GSG1L: variants seen among roughly 807,000 people sequenced by gnomAD.
GSG1L encodes the protein germ cell-specific gene 1-like protein.
GSG1L carries 24 observed loss-of-function variants against 42.1 expected under a neutral mutation model. That is an observed-to-expected ratio of 0.57 (90% CI 0.41 to 0.80). GSG1L has a LOEUF of 0.80. GSG1L is among the 30% of genes least tolerant of loss of function. The pLI is 0.00. For missense variants in GSG1L, 445 were observed against 472.2 expected, an observed-to-expected ratio of 0.94 and a Z score of 0.53; for synonymous variants, 215 against 203.5, an observed-to-expected ratio of 1.06 and a Z score of -0.48.
chr16:27,923,634 TG>T, intron 2 of GSG1L, among the ~76,000 whole-genome samples: 1 of 150,618 alleles, frequency 6.6e-6, no homozygotes, highest in South Asian at 2.1e-4. Context: ...CCCAGCTACT[TG>T]GGAGGCTGAG....
Position 27,791,187 on chromosome 16 carries a change from G to T in GSG1L, c.*183C>A. 1 of 407,518 alleles carries T rather than the reference G, an allele frequency of 2.5e-6. No homozygotes were observed. The highest frequency in any genetic ancestry group is 4.3e-6 in the Non-Finnish European group (1 of 231,250). The allele number at this position is 407,518 out of a possible 1,614,324, so 25.2% of individuals were successfully genotyped here. On this transcript the variant is annotated 3_prime_UTR_variant, in exon 7 of 7. Transcript: ENST00000447459. The stretch of plus-strand genomic sequence containing the variant: ...TGTGCATTCCCTTGGGCCTGCCCTG[G>T]CCCCATTTCCAAGGCCATGGGACCC...
chr16:27,968,087 C>T (rs2085154816), intron 1 of GSG1L, among the ~76,000 whole-genome samples: 1 of 151,862 alleles, frequency 6.6e-6, no homozygotes, highest in African/African-American at 2.4e-5. Context: ...CACATTTTTG[C>T]CTATTAGGGG....
intron 1 of GSG1L, among the ~76,000 whole-genome samples, chr16:28,024,376 G>A (rs145493245): frequency 2.6e-5 from 4 of 152,332 alleles, no homozygotes; most frequent in East Asian, 3.9e-4. Context: ...AGATAAACTT[G>A]CATCTGACAT....
chr16:27,881,918 A>G (rs1204017477), intron 3 of GSG1L, among the ~76,000 whole-genome samples: 2 of 152,096 alleles, frequency 1.3e-5, no homozygotes, highest in Non-Finnish European at 2.9e-5. Flanking sequence ...CTTTGCATCA[A>G]TATGACTCCT....
intron 3 of GSG1L, among the ~76,000 whole-genome samples, chr16:27,880,202 A>G (rs2083936266): frequency 6.6e-6 from 1 of 152,144 alleles, no homozygotes; most frequent in East Asian, 1.9e-4. Flanking sequence ...GGCTCCCTAA[A>G]GACCAGCCTC....
At chr16:27,997,500 T>C (rs973195087) in intron 1 of GSG1L, among the ~76,000 whole-genome samples, 2 of 151,618 alleles carry the variant, frequency 1.3e-5, no homozygotes, top group East Asian at 2.0e-4. Flanking sequence ...TAAGGACTCA[T>C]GGAATGAGGT....
At chr16:27,930,704 G>A (rs1270712323) in intron 2 of GSG1L, among the ~76,000 whole-genome samples, 2 of 152,146 alleles carry the variant, frequency 1.3e-5, no homozygotes, top group Admixed American at 1.3e-4. Flanking sequence ...GTCCTTAAAG[G>A]ATGTCATTCA....
chr16:27,818,844 C>T (rs1008630738), intron 5 of GSG1L, among the ~76,000 whole-genome samples: 5 of 151,730 alleles, frequency 3.3e-5, no homozygotes, highest in African/African-American at 1.2e-4. Flanking sequence ...TGATATAAAA[C>T]ATTTGGAAAA....
intron 3 of GSG1L, among the ~76,000 whole-genome samples, chr16:27,861,699 C>T (rs1240377043): frequency 1.3e-5 from 2 of 152,208 alleles, no homozygotes; most frequent in African/African-American, 4.8e-5. Context: ...TGGCCTCCTT[C>T]TTGTCCCTTG....
intron 1 of GSG1L, among the ~76,000 whole-genome samples, chr16:28,043,534 C>T (rs557848474): frequency 6.6e-6 from 1 of 152,242 alleles, no homozygotes; most frequent in East Asian, 1.9e-4. Flanking sequence ...TAAGTGGTGT[C>T]CCTGAAGATG....
chr16:27,893,628 G>T (rs898899002), intron 2 of GSG1L, among the ~76,000 whole-genome samples: 2 of 152,118 alleles, frequency 1.3e-5, no homozygotes, highest in Admixed American at 1.3e-4. Context: ...TGTCACCCAG[G>T]CTGCAGTGCA....
chr16:27,982,380 GGGGTCATGTGAGCAGT>G (rs960725887), intron 1 of GSG1L, among the ~76,000 whole-genome samples: 16 of 152,282 alleles, frequency 1.1e-4, no homozygotes, highest in Middle Eastern at 3.4e-3. Context: ...GCATCCCAGT[GGGGTCATGTGAGCAGT>G]GGGTCACGTG....
chr16:27,963,474 A>AG (rs1220998070), intron 1 of GSG1L, among the ~76,000 whole-genome samples: 1 of 152,008 alleles, frequency 6.6e-6, no homozygotes, highest in Non-Finnish European at 1.5e-5. Flanking sequence ...GCCTCCCCCC[A>AG]GAATCCACGC....
chr16:27,878,620 A>G (rs1313176402), intron 3 of GSG1L, among the ~76,000 whole-genome samples: 1 of 152,114 alleles, frequency 6.6e-6, no homozygotes, highest in African/African-American at 2.4e-5. Context: ...TTTTCTTCAT[A>G]AAGACAGGGT....
intron 2 of GSG1L, among the ~76,000 whole-genome samples, chr16:27,944,174 A>G (rs773289530): frequency 2.0e-5 from 3 of 152,174 alleles, no homozygotes; most frequent in Non-Finnish European, 4.4e-5. Flanking sequence ...TTGCCTTACA[A>G]TAATTTGTCA....
chr16:27,951,049 G>A (rs908486260), intron 2 of GSG1L, among the ~76,000 whole-genome samples: 2 of 152,078 alleles, frequency 1.3e-5, no homozygotes, highest in East Asian at 3.9e-4. Context: ...CTTATTTCCT[G>A]ACACACACCC....
chr16:27,871,679 A>G (rs1278330417), intron 3 of GSG1L, among the ~76,000 whole-genome samples: 1 of 152,214 alleles, frequency 6.6e-6, no homozygotes, highest in African/African-American at 2.4e-5. Context: ...GTCAATCCAT[A>G]CAATGGAATA....
intron 1 of GSG1L, among the ~76,000 whole-genome samples, chr16:27,977,984 C>T (rs74860960): frequency 2.3e-3 from 355 of 152,320 alleles, no homozygotes; most frequent in African/African-American, 8.1e-3. Flanking sequence ...CTCCCCTCAC[C>T]GCTAGCCCCT....
chr16:27,963,905 T>A (rs2085098907), intron 1 of GSG1L, among the ~76,000 whole-genome samples: 1 of 152,156 alleles, frequency 6.6e-6, no homozygotes, highest in Non-Finnish European at 1.5e-5. Flanking sequence ...GGCACTGAGA[T>A]GATAAGTCAC....
Sources: allele counts gnomAD v4.1 joint callset (sites outside exome capture counted in the v4.1 genomes callset), GRCh38; gene constraint gnomAD v4.1.1; transcripts MANE v1.5; gene names NCBI Gene and HGNC (gene_info 2026-07-23, HGNC 2026-07-21).